Variants in TENM2 observed in about 807,000 individuals in gnomAD.
TENM2 encodes teneurin-2.
TENM2 carries 52 observed loss-of-function variants against 245.2 expected under a neutral mutation model. The ratio of observed to expected loss-of-function variants is 0.21; its 90% CI spans 0.17 to 0.27. The LOEUF is 0.27. Ranked by LOEUF, TENM2 falls within the 10% of genes least tolerant of loss-of-function variation. The pLI is 1.00. For missense variants in TENM2, 3,046 were observed against 3,666.8 expected (o/e 0.83, Z 4.37); for synonymous variants, 1,363 against 1,438.9 (o/e 0.95, Z 1.19).
intron 3 of TENM2, among the ~76,000 whole-genome samples, chr5:167,929,480 A>G (rs1778117095): frequency 2.6e-5 from 4 of 152,106 alleles, no homozygotes; most frequent in Admixed American, 2.6e-4. Context: ...TTTTCTTTCC[A>G]TTTATCAAGT....
At chr5:167,480,956 A>G (rs1767719805) in intron 2 of TENM2, among the ~76,000 whole-genome samples, 2 of 152,216 alleles carry the variant, frequency 1.3e-5, no homozygotes, top group Admixed American at 6.5e-5. Context: ...AGGAATTCCC[A>G]TAAAAAATTC....
intron 1 of TENM2, among the ~76,000 whole-genome samples, chr5:167,321,807 G>A (rs1358010172): frequency 1.6e-4 from 3 of 19,266 alleles, no homozygotes; most frequent in Non-Finnish European, 4.2e-4. Context: ...TTTTTGGGGG[G>A]GGGGGCGGGG....
intron 12 of TENM2, among the ~76,000 whole-genome samples, chr5:168,144,102 G>A (rs942248164): frequency 1.1e-4 from 17 of 150,912 alleles, no homozygotes; most frequent in Non-Finnish European, 1.9e-4. Flanking sequence ...CAGGTAATCC[G>A]CCTGCCTCGG....
At chr5:167,193,071 C>T in the TENM2 span, among the ~76,000 whole-genome samples, 1 of 151,998 alleles carries the variant, frequency 6.6e-6, no homozygotes, top group African/African-American at 2.4e-5. Flanking sequence ...GAAAACTTTT[C>T]TCTCAAAGGG....
At chr5:168,069,207 G>A (rs1259957794) in intron 7 of TENM2, among the ~76,000 whole-genome samples, 1 of 152,156 alleles carries the variant, frequency 6.6e-6, no homozygotes, top group Non-Finnish European at 1.5e-5. Flanking sequence ...TTGCTTGTAT[G>A]ACTTTATCTG....
chr5:167,935,129 G>A (rs927152469), intron 3 of TENM2, among the ~76,000 whole-genome samples: 2 of 152,254 alleles, frequency 1.3e-5, no homozygotes, highest in Admixed American at 6.5e-5. Context: ...TCTACAAACC[G>A]AGAGAGAAAC....
At chr5:168,262,324 C>G in exon 29 of TENM2, 2 of 1,609,878 alleles carry the variant, frequency 1.2e-6, no homozygotes, top group Non-Finnish European at 1.7e-6. Context: ...ACTACAGCAT[C>G]GAGGGCAAGG....
At chr5:167,116,870 A>C in the TENM2 span, among the ~76,000 whole-genome samples, 15 of 152,350 alleles carry the variant, frequency 9.8e-5, no homozygotes, top group East Asian at 3.9e-4. Context: ...ACAAATGTTC[A>C]GGCTATCTTG....
chr5:168,047,299 G>T, intron 5 of TENM2, 128 bp from the exon 8 acceptor site: 1 of 1,060,284 alleles, frequency 9.4e-7, no homozygotes. Flanking sequence ...CTGTGGCCTG[G>T]GGCAAGCCAT....
At chr5:167,618,486 G>A (rs532127341) in intron 2 of TENM2, among the ~76,000 whole-genome samples, 11 of 152,142 alleles carry the variant, frequency 7.2e-5, no homozygotes, top group Non-Finnish European at 7.4e-5. Flanking sequence ...TGTCTTCACC[G>A]GACATGTTAA....
the TENM2 span, among the ~76,000 whole-genome samples, chr5:166,985,930 T>C: frequency 1.3e-5 from 2 of 152,172 alleles, no homozygotes; most frequent in South Asian, 2.1e-4. Flanking sequence ...CCTGATGTAA[T>C]GTTAGGAAGA....
intron 4 of TENM2, among the ~76,000 whole-genome samples, chr5:167,956,995 T>A (rs1344161719): frequency 6.6e-6 from 1 of 152,216 alleles, no homozygotes; most frequent in Admixed American, 6.6e-5. Context: ...ATAAAATGAG[T>A]TAGGGAGGAG....
the TENM2 span, among the ~76,000 whole-genome samples, chr5:167,279,250 G>A: frequency 2.6e-5 from 4 of 152,026 alleles, no homozygotes; most frequent in African/African-American, 7.2e-5. Flanking sequence ...GGATGCAATT[G>A]GATTTGTCCT....
intron 5 of TENM2, among the ~76,000 whole-genome samples, chr5:168,030,074 G>A (rs1481136971): frequency 6.6e-6 from 1 of 151,748 alleles, no homozygotes; most frequent in East Asian, 1.9e-4. Context: ...TGGACACAGG[G>A]CAGGTACTGG....
chr5:167,515,672 T>TATATATACACATATATAC (rs1770324406), intron 2 of TENM2, among the ~76,000 whole-genome samples: 3 of 127,722 alleles, frequency 2.3e-5, no homozygotes, highest in African/African-American at 1.2e-4. Flanking sequence ...TATATATGTG[T>TATATATACACATATATAC]ATATATATTT....
the TENM2 span, among the ~76,000 whole-genome samples, chr5:166,987,420 GGTGT>G: frequency 0.45 from 65,576 of 147,008 alleles, 17,150 homozygotes; most frequent in Non-Finnish European, 0.62. Context: ...GTTTAGTAAG[GGTGT>G]GTGTGTGTGT....
chr5:168,216,485 C>T (rs1433680567), intron 21 of TENM2, among the ~76,000 whole-genome samples: 3 of 152,158 alleles, frequency 2.0e-5, no homozygotes, highest in East Asian at 1.9e-4. Context: ...CATTCATTTG[C>T]GGCCTTGGTT....
chr5:166,989,637 C>T, the TENM2 span, among the ~76,000 whole-genome samples: 1 of 151,548 alleles, frequency 6.6e-6, no homozygotes, highest in Non-Finnish European at 1.5e-5. Flanking sequence ...CGTGATTCTT[C>T]CGCCTCAGCC....
chr5:167,805,511 G>A (rs1445881673), intron 2 of TENM2, among the ~76,000 whole-genome samples: 1 of 152,150 alleles, frequency 6.6e-6, no homozygotes, highest in Non-Finnish European at 1.5e-5. Flanking sequence ...CACAGGGAGA[G>A]AAATTCAGTA....
Sources: allele counts gnomAD v4.1 joint callset (sites outside exome capture counted in the v4.1 genomes callset), GRCh38; gene constraint gnomAD v4.1.1; transcripts MANE v1.5; gene names NCBI Gene and HGNC (gene_info 2026-07-23, HGNC 2026-07-21).